The following CFAP54 variants were observed in gnomAD, a reference collection of about 807,000 sequenced individuals.
The protein encoded by CFAP54 is cilia and flagella associated protein 54.
CFAP54 carries 290 observed loss-of-function variants against 370.4 expected under a neutral mutation model. The ratio of observed to expected loss-of-function variants is 0.78; its 90% CI spans 0.71 to 0.86. CFAP54 has a LOEUF of 0.86. Among genes scored for constraint, CFAP54 ranks in the 40% least tolerant of loss-of-function variants. The pLI, the probability that CFAP54 is intolerant of heterozygous loss-of-function variation, is 0.00. For synonymous variants in CFAP54, 1,206 were observed against 1,236.5 expected (o/e 0.98, Z 0.52); for missense variants, 3,399 against 3,528.7 (o/e 0.96, Z 0.93).
rs934726673 is a variant in CFAP54, at chr12:96,621,480, T to C, written c.3640-110T>C. ...GTTTTTTTTAAAATAAAAGGGGGAT[T>C]CTTAGACTGAAAACTCTATGGGGCT... On this transcript the variant is annotated intron_variant, in intron 26 of 67. Coordinates refer to ENST00000524981, the MANE Select transcript of CFAP54 (RefSeq NM_001306084.2). The C allele has an allele frequency of 5.6e-6, 4 of 711,926 alleles. No individual in the cohort carries two copies. The African/African-American group carries it at 7.2e-5, about 13-fold the overall frequency. The allele number at this position is 711,926 out of a possible 1,614,324, so 44.1% of individuals were successfully genotyped here.
At chr12:96,587,852 T>C (rs1003112654) in intron 22 of CFAP54, among the ~76,000 whole-genome samples, 7 of 152,204 alleles carry the variant, frequency 4.6e-5, no homozygotes, top group African/African-American at 1.4e-4. Flanking sequence ...ATTTGATTAA[T>C]GTAGCCCAGA....
intron 50 of CFAP54, among the ~76,000 whole-genome samples, chr12:96,729,462 A>G (rs7295587): frequency 0.86 from 131,153 of 152,242 alleles, 56,886 homozygotes; most frequent in African/African-American, 0.96. Context: ...GCAAGATTCC[A>G]TGGGCGTGGG....
chr12:96,848,196 C>A lies in CFAP54; in HGVS notation c.9172-12623C>A, dbSNP rs1371066264. On this transcript the variant is annotated intron_variant, in intron 66 of 67. Coordinates refer to ENST00000524981, the MANE Select transcript of CFAP54 (RefSeq NM_001306084.2). The stretch of plus-strand genomic sequence containing the variant: ...GGTTTGAGTGATTCTCCTGCCTTAG[C>A]CTCCCGAGTAGTTGGCATTACAGGC... 2.0e-5 allele frequency among the ~76,000 whole-genome samples: 3 copies of A among 152,042 alleles called. No homozygotes were observed. In the East Asian group the frequency reaches 5.8e-4, roughly 30 times the overall value.
intron 25 of CFAP54, among the ~76,000 whole-genome samples, chr12:96,595,407 A>C (rs1462735261): frequency 6.6e-6 from 1 of 152,136 alleles, no homozygotes; most frequent in Non-Finnish European, 1.5e-5. Flanking sequence ...ACAGGAAAGT[A>C]ATGAGAGATG....
intron 66 of CFAP54, among the ~76,000 whole-genome samples, chr12:96,838,446 A>G (rs1856816555): frequency 6.6e-6 from 1 of 152,186 alleles, no homozygotes; most frequent in Non-Finnish European, 1.5e-5. Context: ...TTATAAAGAA[A>G]AAAGGTTTAA....
chr12:96,621,858 A>G (rs912079296), intron 27 of CFAP54, 137 bp downstream of exon 27: 1 of 210,824 alleles, frequency 4.7e-6, no homozygotes, highest in Non-Finnish European at 8.1e-6. Context: ...GTATTATAGT[A>G]AAGAGCTTTT....
At chr12:96,794,601 A>T (rs1958738758) in intron 63 of CFAP54, among the ~76,000 whole-genome samples, 1 of 151,486 alleles carries the variant, frequency 6.6e-6, no homozygotes, top group African/African-American at 2.4e-5. Flanking sequence ...ATTGTTTTTT[A>T]TTTATGCTGT....
At chr12:96,516,390 G>C (rs1955236230) in intron 5 of CFAP54, among the ~76,000 whole-genome samples, 1 of 139,660 alleles carries the variant, frequency 7.2e-6, no homozygotes, top group Non-Finnish European at 1.5e-5. Context: ...TTCTATTTTG[G>C]TTTACATACT....
chr12:96,517,541 A>AG (rs1156770011), intron 5 of CFAP54, among the ~76,000 whole-genome samples: 1 of 152,218 alleles, frequency 6.6e-6, no homozygotes, highest in African/African-American at 2.4e-5. Context: ...AAATGCAAAA[A>AG]TCTGAAATAG....
intron 42 of CFAP54, among the ~76,000 whole-genome samples, chr12:96,688,296 G>A (rs1197405030): frequency 6.6e-6 from 1 of 152,154 alleles, no homozygotes; most frequent in Non-Finnish European, 1.5e-5. Context: ...GTTGTGAATG[G>A]CTCCATAATA....
At chr12:96,561,238 C>T (rs190733485) in intron 17 of CFAP54, among the ~76,000 whole-genome samples, 1 of 152,232 alleles carries the variant, frequency 6.6e-6, no homozygotes, top group East Asian at 1.9e-4. Context: ...TTTCCCATGC[C>T]GTTCTCATGA....
chr12:96,522,240 G>A, intron 8 of CFAP54, 51 bp downstream of exon 8: 1 of 1,222,564 alleles, frequency 8.2e-7, no homozygotes, highest in South Asian at 1.4e-5. Context: ...CAGTATATTT[G>A]TATTATGCTC....
chr12:96,815,795 C>T (rs1958968838), intron 64 of CFAP54, among the ~76,000 whole-genome samples: 2 of 152,270 alleles, frequency 1.3e-5, no homozygotes, highest in South Asian at 2.1e-4. Context: ...GCCAGTTTTC[C>T]CAATACCATT....
At chr12:96,675,283 G>C (rs1324425536) in intron 39 of CFAP54, among the ~76,000 whole-genome samples, 1 of 152,168 alleles carries the variant, frequency 6.6e-6, no homozygotes, top group African/African-American at 2.4e-5. Context: ...CAAAGGATAT[G>C]AACAGACACT....
At chr12:96,602,443 G>T (rs772535473) in intron 26 of CFAP54, among the ~76,000 whole-genome samples, 23 of 152,204 alleles carry the variant, frequency 1.5e-4, no homozygotes, top group Non-Finnish European at 2.9e-4. Context: ...TTGATTTGGG[G>T]TGGAGAGTTC....
rs1958635331 is a variant in CFAP54 at position 96,786,886 on chromosome 12, A to G, written c.8667A>G (p.Glu2889=). The change falls in exon 62 of 68, where the codon GAA becomes GAG. Residue 2889 remains glutamate, a synonymous_variant. Coordinates refer to ENST00000524981, the MANE Select transcript of CFAP54 (RefSeq NM_001306084.2). The part of the protein sequence containing the change: ...NPPLSEKDLR[E]SSAKLYRDSS... Reference sequence around the variant, plus strand: ...CTCTTTCAGAAAAAGACTTACGTGAATCATCTGCCAAGGTAACGTTTTTTG... The same window carrying G: ...CTCTTTCAGAAAAAGACTTACGTGAGTCATCTGCCAAGGTAACGTTTTTTG... 2.0e-6 allele frequency: 3 copies of G among 1,529,702 alleles called. No individual in the cohort carries two copies. Among genetic ancestry groups the G allele is most frequent in the Middle Eastern group, 1.7e-4 (1 of 5,972 alleles). The allele number at this position is 1,529,702 out of a possible 1,614,324, so 94.8% of individuals were successfully genotyped here.
intron 57 of CFAP54, 56 bp from the exon 58 acceptor site, chr12:96,757,439 A>C: frequency 3.0e-6 from 3 of 993,118 alleles, no homozygotes; most frequent in South Asian, 1.8e-5. Flanking sequence ...GGCAAATGAT[A>C]CCAATGATTA....
chr12:96,527,252 T>C lies in CFAP54; in HGVS notation c.1165T>C (p.Trp389Arg). ...TTTTTTTTCTCAATTTCAGTTATCA[T>C]GGCCACGAACTGTCACAGAGCGGCT... ...INLREVQTLS[W>R]PRTVTERLLD... The change falls in exon 9 of 68, where the codon TGG becomes CGG. Residue 389 changes from tryptophan (W) to arginine (R), a missense_variant. Around this residue, in one of 3 missense-constraint regions of CFAP54, gnomAD observed 559 missense variants for 576.7 expected, o/e 0.97. Coordinates refer to ENST00000524981, the MANE Select transcript of CFAP54 (RefSeq NM_001306084.2). 1.3e-6 allele frequency: 2 copies of C among 1,503,836 alleles called. No homozygotes were observed. Among genetic ancestry groups the C allele is most frequent in the Non-Finnish European group, 1.8e-6 (2 of 1,133,030 alleles). The allele number at this position is 1,503,836 out of a possible 1,614,324, so 93.2% of individuals were successfully genotyped here.
intron 64 of CFAP54, among the ~76,000 whole-genome samples, chr12:96,814,313 T>C (rs1483134960): frequency 6.6e-6 from 1 of 152,236 alleles, no homozygotes; most frequent in Non-Finnish European, 1.5e-5. Context: ...TACATACTTA[T>C]GTCATTTCAT....
Sources: gnomAD v4.1 joint callset for allele counts (sites outside exome capture counted in the v4.1 genomes callset) on GRCh38, gnomAD v4.1.1 for gene constraint, gnomAD v4.1.1 regional missense constraint, MANE v1.5 for transcripts, NCBI Gene and HGNC (gene_info 2026-07-23, HGNC 2026-07-21) for gene names.